Variants in AP1S3 observed in about 807,000 individuals in gnomAD.
The protein encoded by AP1S3 is AP-1 complex subunit sigma-3.
Under a neutral mutation model 20.9 loss-of-function variants are expected in AP1S3, and 10 were observed. The ratio of observed to expected loss-of-function variants is 0.48; its 90% CI spans 0.29 to 0.81. AP1S3 has a LOEUF of 0.81. AP1S3 is among the 30% of genes least tolerant of loss of function. The probability of loss-of-function intolerance (pLI) is 0.08; values close to 1 mark genes in which losing one functional copy is unlikely to be tolerated. For synonymous variants in AP1S3, 41 were observed against 61.5 expected (o/e 0.67, Z 1.56); for missense variants, 154 against 183.8 (o/e 0.84, Z 0.94).
intron 1 of AP1S3, among the ~76,000 whole-genome samples, chr2:223,811,988 G>T (rs1024237444): frequency 1.3e-5 from 2 of 152,140 alleles, no homozygotes; most frequent in Non-Finnish European, 2.9e-5. Context: ...GATTCCCAAG[G>T]TTCAACTTTA....
intron 1 of AP1S3, among the ~76,000 whole-genome samples, chr2:223,786,049 T>G (rs190066000): frequency 6.6e-6 from 1 of 152,222 alleles, no homozygotes; most frequent in Admixed American, 6.5e-5. Context: ...AGACTCTACA[T>G]GTGTTGGGGC....
chr2:223,834,741 G>A (rs1467693508), intron 1 of AP1S3, among the ~76,000 whole-genome samples: 1 of 151,882 alleles, frequency 6.6e-6, no homozygotes, highest in Non-Finnish European at 1.5e-5. Context: ...GGGCGACACA[G>A]AGACCCTGTC....
At chr2:223,765,107 C>G in intron 4 of AP1S3, 106 bp downstream of exon 4, 1 of 1,464,978 alleles carries the variant, frequency 6.8e-7, no homozygotes, top group Non-Finnish European at 9.2e-7. Context: ...GAAACTGTAC[C>G]CAGCACAGAG....
At chr2:223,766,876 A>G (rs1690496908) in intron 3 of AP1S3, among the ~76,000 whole-genome samples, 1 of 152,210 alleles carries the variant, frequency 6.6e-6, no homozygotes, top group Non-Finnish European at 1.5e-5. Flanking sequence ...ATGCAGCCAT[A>G]AAAAAAGATG....
chr2:223,815,780 T>G (rs920002194), intron 1 of AP1S3, among the ~76,000 whole-genome samples: 1 of 152,186 alleles, frequency 6.6e-6, no homozygotes, highest in Non-Finnish European at 1.5e-5. Context: ...CAACATACTA[T>G]GTAACAAAAC....
At chr2:223,830,696 T>C (rs185517138) in intron 1 of AP1S3, among the ~76,000 whole-genome samples, 10 of 152,254 alleles carry the variant, frequency 6.6e-5, no homozygotes, top group Admixed American at 6.5e-4. Context: ...ACACCAATCA[T>C]TTCTTACCAG....
intron 1 of AP1S3, among the ~76,000 whole-genome samples, chr2:223,811,260 T>C (rs530546748): frequency 2.6e-5 from 4 of 151,830 alleles, no homozygotes; most frequent in Non-Finnish European, 4.4e-5. Flanking sequence ...ACCTGGCTAA[T>C]TTTTTGTATT....
chr2:223,767,554 T>C (rs1461651775), intron 3 of AP1S3, among the ~76,000 whole-genome samples: 2 of 151,806 alleles, frequency 1.3e-5, no homozygotes, highest in Admixed American at 6.6e-5. Context: ...CTTTGCAAAA[T>C]GCATATTCTC....
chr2:223,807,862 C>CTTTTCTTTTTTT (rs1691622156), intron 1 of AP1S3, among the ~76,000 whole-genome samples: 1 of 68,168 alleles, frequency 1.5e-5, no homozygotes, highest in Non-Finnish European at 3.0e-5. Context: ...TCAGGCATTT[C>CTTTTCTTTTTTT]TTTTCTTTTT....
At position 223,797,348 on chromosome 2, in the gene AP1S3, T is replaced by C. The variant is rs185659221; in HGVS notation, c.4-19479A>G. On this transcript the variant is annotated intron_variant, in intron 1 of 4. Transcript: ENST00000396654. Reference sequence around the variant, plus strand: ...CAGCCACAGCTCTGCCATAGTCAAGTGTGGCCAAGAAAAACATGTCAATCA... The same window carrying C: ...CAGCCACAGCTCTGCCATAGTCAAGCGTGGCCAAGAAAAACATGTCAATCA... 7.9e-5 allele frequency among the ~76,000 whole-genome samples: 12 copies of C among 152,320 alleles called. No homozygotes were observed. In the East Asian group the frequency reaches 1.5e-3, roughly 20 times the overall value.
At chr2:223,799,320 C>T (rs919553548) in intron 1 of AP1S3, among the ~76,000 whole-genome samples, 1 of 151,664 alleles carries the variant, frequency 6.6e-6, no homozygotes, top group Non-Finnish European at 1.5e-5. Context: ...CAAAGACTGC[C>T]CTTAAACCAC....
chr2:223,829,846 C>CA (rs747229566), intron 1 of AP1S3, among the ~76,000 whole-genome samples: 2,974 of 125,442 alleles, frequency 0.024, 88 homozygotes, highest in African/African-American at 0.072. Flanking sequence ...CAAAAAAAAA[C>CA]AAAAAAAAAA....
chr2:223,765,254 T>A lies in AP1S3; in HGVS notation c.388A>T (p.Ile130Phe). ...GAGTCTTCAATGGCTTTGACAGCAA[T>A]TTTCTTGGATGTTTCCTGAATTTCC... The part of the protein sequence containing the change: ...GGEIQETSKK[I>F]AVKAIEDSDM... The change falls in exon 4 of 5, where the codon ATT becomes TTT. Residue 130 changes from isoleucine (I) to phenylalanine (F), a missense_variant. Transcript: ENST00000396654. The A allele has an allele frequency of 1.2e-6, 2 of 1,614,130 alleles. No individual in the cohort carries two copies. Among genetic ancestry groups the A allele is most frequent in the African/African-American group, 1.3e-5 (1 of 75,026 alleles).
chr2:223,764,725 T>C (rs983592807), intron 4 of AP1S3, among the ~76,000 whole-genome samples: 5 of 152,202 alleles, frequency 3.3e-5, no homozygotes, highest in South Asian at 2.1e-4. Flanking sequence ...AAAATAACAA[T>C]GTACTGCTAT....
intron 1 of AP1S3, among the ~76,000 whole-genome samples, chr2:223,828,737 A>G (rs1363645009): frequency 1.3e-5 from 2 of 152,224 alleles, no homozygotes; most frequent in African/African-American, 4.8e-5. Flanking sequence ...CAGGGTCATT[A>G]CATGGAGAAG....
At chr2:223,808,669 T>A (rs963142663) in intron 1 of AP1S3, among the ~76,000 whole-genome samples, 1 of 152,220 alleles carries the variant, frequency 6.6e-6, no homozygotes, top group Non-Finnish European at 1.5e-5. Context: ...TTATAAATAC[T>A]CAGTTTCCTT....
chr2:223,784,605 C>T (rs1419346719), intron 1 of AP1S3, among the ~76,000 whole-genome samples: 1 of 152,164 alleles, frequency 6.6e-6, no homozygotes. Flanking sequence ...AAAACAACCA[C>T]CCACCCCCAG....
intron 1 of AP1S3, among the ~76,000 whole-genome samples, chr2:223,795,997 A>G (rs1289805129): frequency 6.6e-6 from 1 of 152,158 alleles, no homozygotes; most frequent in Admixed American, 6.5e-5. Flanking sequence ...ACATGGCGAA[A>G]GCCCTTCTCT....
rs181476158 is a variant in AP1S3 at position 223,759,815 on chromosome 2, T to C, written c.430-1065A>G. Among the ~76,000 whole-genome samples, 58 of 152,266 alleles carry C rather than the reference T, an allele frequency of 3.8e-4. No homozygotes were observed. In the East Asian group the frequency reaches 8.1e-3, roughly 21 times the overall value. ...CTCCAGTGTGTGTTGTTCCCTTCTA[T>C]GTGTCCGTGTGTTCTCATCATTTAG... On this transcript the variant is annotated intron_variant, in intron 4 of 4. Coordinates refer to ENST00000396654, the MANE Select transcript of AP1S3 (RefSeq NM_001039569.2).
Sources: gnomAD v4.1 joint callset for allele counts (sites outside exome capture counted in the v4.1 genomes callset) on GRCh38, gnomAD v4.1.1 for gene constraint, MANE v1.5 for transcripts, NCBI Gene and HGNC (gene_info 2026-07-23, HGNC 2026-07-21) for gene names.